CDH18: variants seen among roughly 807,000 people sequenced by gnomAD.
CDH18 encodes the protein cadherin 18.
In CDH18, 31 loss-of-function variants were observed where a neutral mutation model predicts 67.9. The observed-to-expected ratio is 0.46, with a 90% CI of 0.34 to 0.62. The LOEUF (loss-of-function observed/expected upper bound fraction) is 0.62, where lower values mean the gene tolerates loss of function less well. CDH18 is among the 20% of genes least tolerant of loss of function. The probability of loss-of-function intolerance (pLI) is 0.01; values close to 1 mark genes in which losing one functional copy is unlikely to be tolerated. For missense variants in CDH18, 890 were observed against 975.5 expected, an observed-to-expected ratio of 0.91 and a Z score of 1.17; for synonymous variants, 362 against 347.2, an observed-to-expected ratio of 1.04 and a Z score of -0.48.
chr5:19,552,714 A>G (rs766838427), intron 8 of CDH18, among the ~76,000 whole-genome samples: 34 of 152,140 alleles, frequency 2.2e-4, no homozygotes, highest in South Asian at 8.3e-4. Flanking sequence ...TGACAGCTCA[A>G]ATTTGCTCAG....
At chr5:20,042,857 G>A (rs927123411) in intron 2 of CDH18, among the ~76,000 whole-genome samples, 1 of 151,912 alleles carries the variant, frequency 6.6e-6, no homozygotes, top group Non-Finnish European at 1.5e-5. Context: ...AGCTACTCGG[G>A]AGGCTGAGGC....
At chr5:19,685,503 T>C (rs1760956363) in intron 5 of CDH18, among the ~76,000 whole-genome samples, 1 of 152,166 alleles carries the variant, frequency 6.6e-6, no homozygotes, top group Admixed American at 6.5e-5. Flanking sequence ...ACCCTTTCCC[T>C]CATGGGAGGT....
intron 2 of CDH18, among the ~76,000 whole-genome samples, chr5:20,241,862 A>AT (rs1580560328): frequency 1.8e-4 from 3 of 16,754 alleles, no homozygotes; most frequent in East Asian, 2.3e-3. Context: ...AAAAAAAAAA[A>AT]AAATAAAATA....
chr5:20,553,602 A>T (rs1757755182), intron 1 of CDH18, among the ~76,000 whole-genome samples: 1 of 152,196 alleles, frequency 6.6e-6, no homozygotes, highest in Non-Finnish European at 1.5e-5. Context: ...TGGACTACAG[A>T]TTAGATGTCC....
chr5:20,574,978 T>C (rs1759035630), intron 1 of CDH18, among the ~76,000 whole-genome samples: 1 of 150,618 alleles, frequency 6.6e-6, no homozygotes, highest in African/African-American at 2.5e-5. Flanking sequence ...AAAGACAGAT[T>C]TAGAAAAAAA....
chr5:19,877,956 T>C (rs377161471), intron 2 of CDH18: 3 of 152,228 alleles, frequency 2.0e-5, no homozygotes, highest in East Asian at 3.9e-4. Context: ...TCAGTAAAAC[T>C]AGGTATTGTT....
chr5:19,930,970 C>A (rs145566088), intron 2 of CDH18, among the ~76,000 whole-genome samples: 1 of 151,976 alleles, frequency 6.6e-6, no homozygotes, highest in Non-Finnish European at 1.5e-5. Flanking sequence ...TCAAGACTCT[C>A]AGTTGCTACA....
intron 1 of CDH18, among the ~76,000 whole-genome samples, chr5:20,428,906 C>T (rs1378746014): frequency 2.0e-5 from 3 of 152,088 alleles, no homozygotes; most frequent in South Asian, 2.1e-4. Flanking sequence ...GTGAATTTCC[C>T]ATCATCCAGA....
intron 2 of CDH18, among the ~76,000 whole-genome samples, chr5:19,898,822 T>A (rs774200464): frequency 1.6e-4 from 24 of 152,032 alleles, no homozygotes; most frequent in Non-Finnish European, 3.1e-4. Context: ...ACATTAAACT[T>A]AAAAGCTTTG....
chr5:20,293,416 A>G (rs1204300658), intron 1 of CDH18, among the ~76,000 whole-genome samples: 1 of 152,140 alleles, frequency 6.6e-6, no homozygotes, highest in Non-Finnish European at 1.5e-5. Context: ...TAAGGAAGGT[A>G]TAAATGTGTT....
intron 5 of CDH18, among the ~76,000 whole-genome samples, chr5:19,641,428 T>C (rs1268555223): frequency 6.6e-6 from 1 of 152,016 alleles, no homozygotes; most frequent in Non-Finnish European, 1.5e-5. Flanking sequence ...AGAACATAGA[T>C]GCAAACGTCT....
chr5:20,480,707 A>G (rs77795661), intron 1 of CDH18, among the ~76,000 whole-genome samples: 8,363 of 152,132 alleles, frequency 0.055, 762 homozygotes, highest in African/African-American at 0.19. Flanking sequence ...TGACCAAAGT[A>G]TAGAGTTTTT....
intron 5 of CDH18, among the ~76,000 whole-genome samples, chr5:19,669,235 A>G (rs1406047157): frequency 1.4e-5 from 2 of 146,906 alleles, no homozygotes; most frequent in Non-Finnish European, 3.0e-5. Context: ...ATGTTTAACT[A>G]TATGATATAT....
chr5:20,269,017 T>C (rs1745248772), intron 1 of CDH18, among the ~76,000 whole-genome samples: 1 of 152,046 alleles, frequency 6.6e-6, no homozygotes, highest in Admixed American at 6.6e-5. Flanking sequence ...GTAACACAAA[T>C]GACTGAACAC....
chr5:20,456,307 C>T (rs192691993), intron 1 of CDH18, among the ~76,000 whole-genome samples: 25 of 152,120 alleles, frequency 1.6e-4, no homozygotes, highest in Non-Finnish European at 2.6e-4. Context: ...ACATCAGCAT[C>T]GTGTTCCAAG....
chr5:20,105,923 T>C (rs1746893619), intron 2 of CDH18, among the ~76,000 whole-genome samples: 1 of 152,220 alleles, frequency 6.6e-6, no homozygotes, highest in Admixed American at 6.5e-5. Context: ...TTAATTTTTT[T>C]TTCCTGCTAC....
chr5:20,095,242 A>T (rs1007451051), intron 2 of CDH18, among the ~76,000 whole-genome samples: 1 of 150,774 alleles, frequency 6.6e-6, no homozygotes, highest in East Asian at 2.0e-4. Context: ...ACCATGACAC[A>T]TGTATACCTA....
chr5:19,630,475 G>GGT (rs143309350), intron 5 of CDH18, among the ~76,000 whole-genome samples: 2,011 of 150,236 alleles, frequency 0.013, 23 homozygotes, highest in African/African-American at 0.033. Context: ...GATCCATTGG[G>GGT]GTGTGTGTGT....
chr5:20,296,476 T>C (rs893448352), intron 1 of CDH18, among the ~76,000 whole-genome samples: 6 of 151,878 alleles, frequency 4.0e-5, no homozygotes, highest in Admixed American at 3.9e-4. Flanking sequence ...TTAGCCAGGG[T>C]GGTCTCGATC....
Sources: gnomAD v4.1 joint callset for allele counts (sites outside exome capture counted in the v4.1 genomes callset) on GRCh38, gnomAD v4.1.1 for gene constraint, MANE v1.5 for transcripts, NCBI Gene and HGNC (gene_info 2026-07-23, HGNC 2026-07-21) for gene names.